Variants in KCNH7 observed in about 807,000 individuals in gnomAD.
KCNH7 encodes the protein potassium voltage-gated channel subfamily H member 7.
A neutral mutation model predicts 120.8 loss-of-function variants in KCNH7; 49 were observed. The ratio of observed to expected loss-of-function variants is 0.41; its 90% CI spans 0.32 to 0.51. KCNH7 has a LOEUF of 0.51. KCNH7 is among the 20% of genes least tolerant of loss of function. KCNH7 has a pLI of 0.38. For synonymous variants in KCNH7, 547 were observed against 516.1 expected, an observed-to-expected ratio of 1.06 and a Z score of -0.81; for missense variants, 1,097 against 1,446.6, an observed-to-expected ratio of 0.76 and a Z score of 3.92.
intron 6 of KCNH7, among the ~76,000 whole-genome samples, chr2:162,476,329 A>G (rs954067688): frequency 2.0e-5 from 3 of 152,216 alleles, no homozygotes; most frequent in African/African-American, 7.2e-5. Context: ...CTGTATCAAA[A>G]TATTAATATT....
At chr2:162,758,289 C>A (rs1196064636) in intron 2 of KCNH7, among the ~76,000 whole-genome samples, 2 of 151,952 alleles carry the variant, frequency 1.3e-5, no homozygotes, top group Admixed American at 6.6e-5. Context: ...TGGGCAGGAC[C>A]CAGTATAAGC....
At chr2:162,685,580 G>A (rs181873559) in intron 2 of KCNH7, among the ~76,000 whole-genome samples, 2 of 152,114 alleles carry the variant, frequency 1.3e-5, no homozygotes, top group African/African-American at 2.4e-5. Context: ...AATAATCTTA[G>A]TATACCTGAG....
chr2:162,756,584 C>T (rs756627082), intron 2 of KCNH7, among the ~76,000 whole-genome samples: 2 of 152,164 alleles, frequency 1.3e-5, no homozygotes, highest in African/African-American at 4.8e-5. Context: ...TCCACCTCAG[C>T]TTCCTGAATA....
At chr2:162,749,387 CCT>C (rs1293350170) in intron 2 of KCNH7, among the ~76,000 whole-genome samples, 2 of 152,050 alleles carry the variant, frequency 1.3e-5, no homozygotes, top group Admixed American at 6.6e-5. Flanking sequence ...ATTAGATACT[CCT>C]CTAGATTCAC....
At chr2:162,566,180 A>T (rs561465505) in intron 2 of KCNH7, among the ~76,000 whole-genome samples, 1 of 152,132 alleles carries the variant, frequency 6.6e-6, no homozygotes, top group East Asian at 1.9e-4. Context: ...CTCAAAAAAA[A>T]GCATCTGTTG....
chr2:162,528,853 A>G (rs909890673), intron 3 of KCNH7, among the ~76,000 whole-genome samples: 2 of 152,006 alleles, frequency 1.3e-5, no homozygotes, highest in African/African-American at 4.8e-5. Context: ...AGTGGGCTAT[A>G]TGAGAGAGAT....
chr2:162,523,423 T>G (rs1356303119), intron 3 of KCNH7, among the ~76,000 whole-genome samples: 1 of 151,900 alleles, frequency 6.6e-6, no homozygotes, highest in African/African-American at 2.4e-5. Flanking sequence ...AAAATTACAA[T>G]GATAACAACT....
At chr2:162,647,783 C>T (rs1373318854) in intron 2 of KCNH7, among the ~76,000 whole-genome samples, 1 of 152,054 alleles carries the variant, frequency 6.6e-6, no homozygotes. Context: ...TTGAGTATGT[C>T]TTTATTAGCA....
intron 2 of KCNH7, among the ~76,000 whole-genome samples, chr2:162,774,522 TTCTAACTTAGAGCCA>T (rs552661441): frequency 1.3e-3 from 192 of 152,286 alleles, no homozygotes; most frequent in Middle Eastern, 6.8e-3. Flanking sequence ...TGTAGGTTTC[TTCTAACTTAGAGCCA>T]TAAGATTTTG....
chr2:162,613,458 AT>A (rs1166173165), intron 2 of KCNH7, among the ~76,000 whole-genome samples: 4 of 152,018 alleles, frequency 2.6e-5, no homozygotes, highest in Non-Finnish European at 5.9e-5. Flanking sequence ...CCCACAAAAA[AT>A]ATCTTAGTTA....
At chr2:162,428,888 A>G (rs1687961299) in intron 8 of KCNH7, among the ~76,000 whole-genome samples, 1 of 151,588 alleles carries the variant, frequency 6.6e-6, no homozygotes, top group Non-Finnish European at 1.5e-5. Flanking sequence ...TTTACTCTTT[A>G]TAAGTATGTT....
chr2:162,528,594 G>A (rs1691796966), intron 3 of KCNH7, among the ~76,000 whole-genome samples: 1 of 151,956 alleles, frequency 6.6e-6, no homozygotes. Flanking sequence ...TGGGAAATTA[G>A]GCTGAAGAAG....
At chr2:162,421,037 C>A (rs1346063857) in intron 9 of KCNH7, among the ~76,000 whole-genome samples, 1 of 151,970 alleles carries the variant, frequency 6.6e-6, no homozygotes, top group Non-Finnish European at 1.5e-5. Flanking sequence ...AAGCATCTTC[C>A]ATTTGCTGAG....
intron 6 of KCNH7, among the ~76,000 whole-genome samples, chr2:162,501,511 C>T (rs1690684075): frequency 6.6e-6 from 1 of 151,950 alleles, no homozygotes; most frequent in Non-Finnish European, 1.5e-5. Context: ...TCATCTTAGT[C>T]CATTTGGGCT....
intron 2 of KCNH7, among the ~76,000 whole-genome samples, chr2:162,679,802 C>A (rs539362803): frequency 4.6e-5 from 7 of 151,848 alleles, no homozygotes; most frequent in Admixed American, 1.3e-4. Flanking sequence ...CTACACCCCA[C>A]ATTTCTCTGT....
intron 3 of KCNH7, among the ~76,000 whole-genome samples, chr2:162,520,372 T>C (rs1217759922): frequency 1.3e-5 from 2 of 151,704 alleles, no homozygotes; most frequent in Non-Finnish European, 2.9e-5. Context: ...CACGCTACTA[T>C]ACTGGTTCAC....
chr2:162,371,626 T>G lies in KCNH7; in HGVS notation c.*203A>C. The G allele has an allele frequency of 1.2e-6, 1 of 804,488 alleles. No individual in the cohort carries two copies. 49.8% of individuals were successfully genotyped at this position (804,488 alleles called of 1,614,324 possible). A position where few individuals can be genotyped will look rare whatever the true frequency, so the allele number is the denominator to read the frequency against. ...CGTGAGATGCTGGCAGTTTTAACAT[T>G]TGGAACCAAAAGTTCTTATGTATAT... On this transcript the variant is annotated 3_prime_UTR_variant, in exon 16 of 16. Transcript: ENST00000332142.
intron 2 of KCNH7, among the ~76,000 whole-genome samples, chr2:162,763,968 A>G (rs1689056994): frequency 6.6e-6 from 1 of 152,010 alleles, no homozygotes; most frequent in South Asian, 2.1e-4. Context: ...TGTGTGTGAA[A>G]TGTGTGTTTG....
chr2:162,621,930 A>C (rs1167463804), intron 2 of KCNH7, among the ~76,000 whole-genome samples: 2 of 152,228 alleles, frequency 1.3e-5, no homozygotes, highest in Admixed American at 1.3e-4. Flanking sequence ...CCAAAATAAC[A>C]AAAGATAAAA....
Sources: allele counts gnomAD v4.1 joint callset (sites outside exome capture counted in the v4.1 genomes callset), GRCh38; gene constraint gnomAD v4.1.1; transcripts MANE v1.5; gene names NCBI Gene and HGNC (gene_info 2026-07-23, HGNC 2026-07-21).